The following CSMD1 variants were observed in gnomAD, a reference collection of about 807,000 sequenced individuals.
The protein encoded by CSMD1 is CUB and sushi domain-containing protein 1.
Under a neutral mutation model 417.5 loss-of-function variants are expected in CSMD1, and 213 were observed. The observed-to-expected ratio is 0.51, with a 90% confidence interval of 0.46 to 0.57. The LOEUF is 0.57. Ranked by LOEUF, CSMD1 falls within the 20% of genes least tolerant of loss-of-function variation. The pLI is 0.00. For missense variants in CSMD1, 6,923 were observed against 4,529.7 expected, an observed-to-expected ratio of 1.53 and a Z score of -15.17; for synonymous variants, 2,862 against 1,736.8, an observed-to-expected ratio of 1.65 and a Z score of -16.11.
intron 7 of CSMD1, among the ~76,000 whole-genome samples, chr8:3,683,742 C>G (rs1799790463): frequency 6.6e-6 from 1 of 152,128 alleles, no homozygotes; most frequent in Admixed American, 6.6e-5. Context: ...AACTCAAACC[C>G]AGGTCTCCAG....
At chr8:4,903,446 G>A (rs1048622184) in intron 1 of CSMD1, among the ~76,000 whole-genome samples, 4 of 152,056 alleles carry the variant, frequency 2.6e-5, no homozygotes, top group Non-Finnish European at 4.4e-5. Flanking sequence ...GAATGATACC[G>A]TGCTAAGGCA....
chr8:4,835,415 C>T (rs1800420961), intron 1 of CSMD1, among the ~76,000 whole-genome samples: 1 of 152,100 alleles, frequency 6.6e-6, no homozygotes, highest in South Asian at 2.1e-4. Context: ...CATTAGCAAA[C>T]ATTAAGAGAC....
intron 23 of CSMD1, among the ~76,000 whole-genome samples, chr8:3,339,120 A>C (rs1181470856): frequency 6.6e-6 from 1 of 151,874 alleles, no homozygotes. Context: ...TTTACTGAGA[A>C]TGATGATTTC....
intron 3 of CSMD1, among the ~76,000 whole-genome samples, chr8:4,331,384 G>C (rs183006259): frequency 6.6e-6 from 1 of 152,218 alleles, no homozygotes; most frequent in East Asian, 1.9e-4. Flanking sequence ...TTTGTTGCGA[G>C]GTGTCTACAG....
At chr8:3,632,074 A>T (rs894570385) in intron 7 of CSMD1, among the ~76,000 whole-genome samples, 1 of 152,152 alleles carries the variant, frequency 6.6e-6, no homozygotes, top group Non-Finnish European at 1.5e-5. Context: ...TTTTCTCTTC[A>T]GATTTTGTTA....
chr8:3,487,679 G>A (rs1355506179), intron 11 of CSMD1, among the ~76,000 whole-genome samples: 2 of 152,102 alleles, frequency 1.3e-5, no homozygotes, highest in African/African-American at 2.4e-5. Context: ...TTTCAAAGGA[G>A]GTGCCTACAA....
chr8:3,435,583 G>A (rs1460629886), intron 12 of CSMD1, among the ~76,000 whole-genome samples: 1 of 152,040 alleles, frequency 6.6e-6, no homozygotes, highest in Non-Finnish European at 1.5e-5. Flanking sequence ...CGTCATGTCT[G>A]TCTTCTAACC....
chr8:3,590,229 C>A (rs531691840), intron 8 of CSMD1, among the ~76,000 whole-genome samples: 2 of 151,934 alleles, frequency 1.3e-5, no homozygotes, highest in Non-Finnish European at 2.9e-5. Context: ...CATTTTTGAG[C>A]GGTAGTATCA....
intron 3 of CSMD1, among the ~76,000 whole-genome samples, chr8:4,100,638 G>A (rs1467504959): frequency 1.3e-5 from 2 of 152,114 alleles, no homozygotes; most frequent in Non-Finnish European, 2.9e-5. Context: ...GGATAAGTAT[G>A]TCCATCATTT....
intron 5 of CSMD1, among the ~76,000 whole-genome samples, chr8:3,849,908 C>T (rs1803777433): frequency 6.6e-6 from 1 of 152,148 alleles, no homozygotes; most frequent in African/African-American, 2.4e-5. Context: ...CTCCACCTCC[C>T]AGTTCAAGCA....
chr8:4,230,165 T>A (rs900742319), intron 3 of CSMD1, among the ~76,000 whole-genome samples: 2 of 152,228 alleles, frequency 1.3e-5, no homozygotes, highest in African/African-American at 4.8e-5. Flanking sequence ...TGGGTATGTT[T>A]GAATTGATAT....
At chr8:3,094,847 T>C (rs1585333237) in intron 47 of CSMD1, among the ~76,000 whole-genome samples, 2 of 145,064 alleles carry the variant, frequency 1.4e-5, no homozygotes, top group South Asian at 2.2e-4. Context: ...CAGAAAGATA[T>C]GAACATGACA....
At chr8:3,225,310 A>G (rs559428386) in intron 27 of CSMD1, among the ~76,000 whole-genome samples, 6 of 152,340 alleles carry the variant, frequency 3.9e-5, no homozygotes, top group Admixed American at 6.5e-5. Context: ...TTATAATAAT[A>G]AATTCCACAG....
Position 3,678,803 on chromosome 8 carries a change from C to T in CSMD1, c.1009+29611G>A, listed in dbSNP as rs138898759. The stretch of plus-strand genomic sequence containing the variant: ...AGCCAGAGAGAAAGGTCGGGTTACC[C>T]ACAAAGGGAAGCCCATCAGACTAAC... On this transcript the variant is annotated intron_variant, in intron 7 of 69. Transcript: ENST00000635120. 3.1e-3 allele frequency among the ~76,000 whole-genome samples: 476 copies of T among 152,198 alleles called. 10 individuals are homozygous for T. Among genetic ancestry groups the T allele is most frequent in the Non-Finnish European group, 1.1e-3 (76 of 68,012 alleles).
In CSMD1 at chr8:4,855,248, T is replaced by C. The variant is rs10481376; in HGVS notation, c.85+139084A>G. ...CTAACAAACAGAAAGGATATCCACA[T>C]CAAAAACCCATCTGTACATAACCAT... On this transcript the variant is annotated intron_variant, in intron 1 of 69. Transcript: ENST00000635120. Among the ~76,000 whole-genome samples, 460 of 140,216 alleles carry C rather than the reference T, an allele frequency of 3.3e-3. 4 individuals carry two copies. The highest frequency in any genetic ancestry group is 0.022 in the East Asian group (57 of 2,642). 92.0% of individuals were successfully genotyped at this position (140,216 alleles called of 152,430 possible).
chr8:3,122,637 C>T (rs1817272666), intron 41 of CSMD1, among the ~76,000 whole-genome samples: 1 of 152,132 alleles, frequency 6.6e-6, no homozygotes, highest in Non-Finnish European at 1.5e-5. Flanking sequence ...GTGAATGAGT[C>T]TCACGAGAGC....
chr8:3,881,953 G>A (rs543899022), intron 5 of CSMD1, among the ~76,000 whole-genome samples: 2 of 152,124 alleles, frequency 1.3e-5, no homozygotes, highest in African/African-American at 4.8e-5. Flanking sequence ...TTACAGATCT[G>A]AACTTGAAAG....
intron 5 of CSMD1, among the ~76,000 whole-genome samples, chr8:3,836,443 C>A (rs1193229353): frequency 6.6e-6 from 1 of 152,082 alleles, no homozygotes; most frequent in Non-Finnish European, 1.5e-5. Flanking sequence ...TCTCCAATTT[C>A]TGCATTAATA....
intron 5 of CSMD1, among the ~76,000 whole-genome samples, chr8:3,930,404 A>C (rs1346792609): frequency 6.6e-6 from 1 of 150,638 alleles, no homozygotes; most frequent in East Asian, 1.9e-4. Context: ...GCATGCTTAT[A>C]CTGGTCCAAG....
Sources: allele counts gnomAD v4.1 joint callset (sites outside exome capture counted in the v4.1 genomes callset), GRCh38; gene constraint gnomAD v4.1.1; transcripts MANE v1.5; gene names NCBI Gene and HGNC (gene_info 2026-07-23, HGNC 2026-07-21).